DCC: variants seen among roughly 807,000 people sequenced by gnomAD.
DCC encodes the protein netrin receptor DCC.
A neutral mutation model predicts 172.5 loss-of-function variants in DCC; 58 were observed. That is an observed-to-expected ratio of 0.34 (90% CI 0.27 to 0.42). The LOEUF (loss-of-function observed/expected upper bound fraction) is 0.42. DCC is among the 10% of genes least tolerant of loss of function. The pLI is 1.00. For missense variants in DCC, 1,740 were observed against 1,791.0 expected, an observed-to-expected ratio of 0.97 and a Z score of 0.51; for synonymous variants, 709 against 644.5, an observed-to-expected ratio of 1.10 and a Z score of -1.52.
intron 12 of DCC, among the ~76,000 whole-genome samples, chr18:53,263,388 G>C (rs377452823): frequency 1.3e-5 from 2 of 152,172 alleles, no homozygotes; most frequent in African/African-American, 4.8e-5. Flanking sequence ...CTGACCTCAA[G>C]TAATCCTCCT....
chr18:52,808,047 C>T (rs2038120548), intron 2 of DCC, among the ~76,000 whole-genome samples: 1 of 152,172 alleles, frequency 6.6e-6, no homozygotes, highest in Non-Finnish European at 1.5e-5. Context: ...GTTGCTAAAA[C>T]CCACACATCA....
rs1290965114 is a variant in DCC at position 53,530,897 on chromosome 18, C to T, written c.*244C>T. 2 of 589,734 alleles carry T rather than the reference C, an allele frequency of 3.4e-6. No individual in the cohort carries two copies. The highest frequency in any genetic ancestry group is 5.3e-5 in the Admixed American group (2 of 37,758). The allele number at this position is 589,734 out of a possible 1,614,324, so 36.5% of individuals were successfully genotyped here. The stretch of plus-strand genomic sequence containing the variant: ...CAAAAGCAAAGATGCATTTTCACTG[C>T]AATGTCAAAGTTTAAGCTGCTAGAA... On this transcript the variant is annotated 3_prime_UTR_variant, in exon 29 of 29. Coordinates refer to ENST00000442544, the MANE Select transcript of DCC (RefSeq NM_005215.4).
At chr18:53,411,143 A>G (rs1909963750) in intron 20 of DCC, among the ~76,000 whole-genome samples, 1 of 152,134 alleles carries the variant, frequency 6.6e-6, no homozygotes, top group South Asian at 2.1e-4. Context: ...AAAAGTTGCA[A>G]TATGATATCT....
intron 10 of DCC, among the ~76,000 whole-genome samples, chr18:53,205,862 T>C (rs1450798425): frequency 6.6e-6 from 1 of 152,140 alleles, no homozygotes; most frequent in Admixed American, 6.6e-5. Context: ...CTCCTTCTCC[T>C]TACATTTTGC....
At chr18:52,887,206 A>G (rs1452416016) in intron 2 of DCC, among the ~76,000 whole-genome samples, 1 of 152,172 alleles carries the variant, frequency 6.6e-6, no homozygotes, top group Non-Finnish European at 1.5e-5. Context: ...TTGTGCTTTT[A>G]TCTAAATCCT....
intron 5 of DCC, among the ~76,000 whole-genome samples, chr18:52,974,245 A>G (rs964415904): frequency 5.3e-5 from 8 of 152,146 alleles, no homozygotes; most frequent in African/African-American, 1.7e-4. Context: ...ATCTTCTGAT[A>G]TTGTTCACGT....
chr18:52,731,850 G>T (rs919291052), intron 1 of DCC, among the ~76,000 whole-genome samples: 1 of 151,952 alleles, frequency 6.6e-6, no homozygotes, highest in Admixed American at 6.6e-5. Context: ...GTTTCTATTT[G>T]TCTGGATTTG....
chr18:53,303,495 A>G (rs1460585262), intron 12 of DCC, among the ~76,000 whole-genome samples: 1 of 152,210 alleles, frequency 6.6e-6, no homozygotes, highest in Non-Finnish European at 1.5e-5. Flanking sequence ...ATTAAAATGA[A>G]GTATGAAAAA....
At chr18:53,502,114 CCTT>C (rs1418270426) in intron 27 of DCC, among the ~76,000 whole-genome samples, 1 of 152,040 alleles carries the variant, frequency 6.6e-6, no homozygotes, top group Non-Finnish European at 1.5e-5. Flanking sequence ...CCCTTAAGAT[CCTT>C]CTTTTGTTTT....
chr18:53,138,811 T>C (rs553195586), intron 7 of DCC, among the ~76,000 whole-genome samples: 99 of 152,338 alleles, frequency 6.5e-4, no homozygotes, highest in Middle Eastern at 6.8e-3. Context: ...ATACTGTAAA[T>C]GCATCAATAA....
At chr18:53,475,336 C>T (rs2045749002) in intron 25 of DCC, among the ~76,000 whole-genome samples, 1 of 152,168 alleles carries the variant, frequency 6.6e-6, no homozygotes. Context: ...GAAATGTTTC[C>T]AGGGCATGTC....
intron 5 of DCC, among the ~76,000 whole-genome samples, chr18:53,026,814 T>C (rs1471279392): frequency 6.6e-6 from 1 of 152,040 alleles, no homozygotes; most frequent in Non-Finnish European, 1.5e-5. Flanking sequence ...CCTCCTACCT[T>C]GACCTCTCAA....
chr18:53,123,952 A>T (rs1159500965), intron 7 of DCC, among the ~76,000 whole-genome samples: 1 of 152,044 alleles, frequency 6.6e-6, no homozygotes, highest in African/African-American at 2.4e-5. Flanking sequence ...CACATCAGGA[A>T]CATATCAGAT....
chr18:53,054,500 T>A (rs371335399), intron 5 of DCC, among the ~76,000 whole-genome samples: 2 of 152,222 alleles, frequency 1.3e-5, no homozygotes, highest in East Asian at 3.9e-4. Flanking sequence ...TCAGTAAGTA[T>A]ATAGAATTTG....
chr18:53,047,276 A>AATTT (rs1295744501), intron 5 of DCC, among the ~76,000 whole-genome samples: 1 of 32,048 alleles, frequency 3.1e-5, no homozygotes, highest in African/African-American at 1.3e-4. Context: ...ATATATATAT[A>AATTT]TATATATATA....
At chr18:52,716,694 A>G (rs2036389496) in intron 1 of DCC, among the ~76,000 whole-genome samples, 1 of 152,212 alleles carries the variant, frequency 6.6e-6, no homozygotes, top group Non-Finnish European at 1.5e-5. Context: ...TCGTGGAAAA[A>G]TATCAGCATC....
At chr18:52,770,209 T>A (rs894432189) in intron 2 of DCC, among the ~76,000 whole-genome samples, 1 of 152,202 alleles carries the variant, frequency 6.6e-6, no homozygotes, top group African/African-American at 2.4e-5. Context: ...AATTTCTTCA[T>A]AATGCTCCAG....
intron 1 of DCC, among the ~76,000 whole-genome samples, chr18:52,346,051 A>G (rs1373173): frequency 0.86 from 131,507 of 152,202 alleles, 56,953 homozygotes; most frequent in African/African-American, 0.92. Context: ...TTTCTTAATA[A>G]TATCATAATA....
intron 25 of DCC, chr18:53,480,815 A>G (rs1222016974): frequency 6.6e-6 from 1 of 152,132 alleles, no homozygotes; most frequent in East Asian, 1.9e-4. Flanking sequence ...GTAACAAATT[A>G]CTCCCAAAAT....
Sources: allele counts gnomAD v4.1 joint callset (sites outside exome capture counted in the v4.1 genomes callset), GRCh38; gene constraint gnomAD v4.1.1; transcripts MANE v1.5; gene names NCBI Gene and HGNC (gene_info 2026-07-23, HGNC 2026-07-21).